POLGARF: variants seen among roughly 807,000 people sequenced by gnomAD.
POLGARF encodes the protein POLG alternative reading frame.
chr15:89,333,316 T>G, the POLGARF span: 1 of 1,557,742 alleles, frequency 6.4e-7, no homozygotes, highest in Non-Finnish European at 8.7e-7. Context: ...TAGGGCAGGC[T>G]CTGCTTCTGG....
chr15:89,330,297 G>GC, the POLGARF span: 1 of 1,594,184 alleles, frequency 6.3e-7, no homozygotes, highest in Non-Finnish European at 8.5e-7. Context: ...TGAGAGGCAG[G>GC]CAGGTTCACC....
At chr15:89,332,040 G>A in the POLGARF span, among the ~76,000 whole-genome samples, 1 of 152,166 alleles carries the variant, frequency 6.6e-6, no homozygotes, top group Non-Finnish European at 1.5e-5. Context: ...TCTTGTCACT[G>A]GTTTCCTAAT....
chr15:89,332,479 G>C, the POLGARF span: 1 of 152,096 alleles, frequency 6.6e-6, no homozygotes, highest in Non-Finnish European at 1.5e-5. Flanking sequence ...AAGAGAGATT[G>C]GATATACTTG....
At chr15:89,333,623 C>CTGG in the POLGARF span, 1 of 1,599,448 alleles carries the variant, frequency 6.3e-7, no homozygotes, top group Non-Finnish European at 8.5e-7. Context: ...GCTGCTGCTG[C>CTGG]TGCTGCCGCC....
At chr15:89,333,420 A>G in the POLGARF span, 2 of 1,607,372 alleles carry the variant, frequency 1.2e-6, no homozygotes, top group South Asian at 2.2e-5. Flanking sequence ...CTGCCCCCAG[A>G]GCCCGTGCTT....
the POLGARF span, chr15:89,333,172 G>T: frequency 6.4e-7 from 1 of 1,562,392 alleles, no homozygotes; most frequent in African/African-American, 1.4e-5. Flanking sequence ...TCGAACACCA[G>T]GGCCCGCTCC....
chr15:89,333,389 G>C, the POLGARF span: 13 of 1,588,120 alleles, frequency 8.2e-6, no homozygotes, highest in Admixed American at 1.7e-5. Context: ...GCAGCTCCAC[G>C]TCGGGCAAGG....
chr15:89,331,861 G>C, the POLGARF span, among the ~76,000 whole-genome samples: 4 of 148,128 alleles, frequency 2.7e-5, no homozygotes, highest in Non-Finnish European at 5.9e-5. Flanking sequence ...GGTCAACTAA[G>C]CAATGCCCCG....
chr15:89,333,319 G>T, the POLGARF span: 1 of 1,558,280 alleles, frequency 6.4e-7, no homozygotes, highest in Non-Finnish European at 8.7e-7. Context: ...GGCAGGCTCT[G>T]CTTCTGGGCC....
chr15:89,333,384 T>C, the POLGARF span: 3 of 1,585,372 alleles, frequency 1.9e-6, no homozygotes, highest in Non-Finnish European at 2.6e-6. Context: ...CAGGCGCAGC[T>C]CCACGTCGGG....
At chr15:89,333,284 C>A in the POLGARF span, 10 of 1,557,806 alleles carry the variant, frequency 6.4e-6, no homozygotes, top group Non-Finnish European at 7.8e-6. Flanking sequence ...GGGCCTGCAA[C>A]AGCAAGTTGG....
chr15:89,333,231 C>T, the POLGARF span: 1 of 1,579,318 alleles, frequency 6.3e-7, no homozygotes, highest in Non-Finnish European at 8.6e-7. Flanking sequence ...GTACCGGGTC[C>T]AGCCCTCCGC....
At chr15:89,332,575 G>C in the POLGARF span, among the ~76,000 whole-genome samples, 1 of 149,724 alleles carries the variant, frequency 6.7e-6, no homozygotes, top group South Asian at 2.2e-4. Flanking sequence ...GCCACCTCAA[G>C]GGGGCGTCTG....
At chr15:89,331,747 C>A in the POLGARF span, among the ~76,000 whole-genome samples, 1 of 152,112 alleles carries the variant, frequency 6.6e-6, no homozygotes, top group Non-Finnish European at 1.5e-5. Flanking sequence ...TCAAAGTGGA[C>A]CGCTATTAGG....
chr15:89,333,376 G>A, the POLGARF span: 4 of 1,580,598 alleles, frequency 2.5e-6, no homozygotes, highest in East Asian at 4.7e-5. Flanking sequence ...AGGGGCGGCA[G>A]GCGCAGCTCC....
At chr15:89,333,628 G>T in the POLGARF span, 1 of 1,594,342 alleles carries the variant, frequency 6.3e-7, no homozygotes, top group Non-Finnish European at 8.5e-7. Flanking sequence ...TGCTGCTGCT[G>T]CCGCCGCCGC....
the POLGARF span, chr15:89,332,987 C>A: frequency 7.1e-7 from 1 of 1,403,348 alleles, no homozygotes; most frequent in African/African-American, 1.4e-5. Flanking sequence ...ATCAGCGCTC[C>A]CTACGTGAGC....
the POLGARF span, chr15:89,333,595 G>GC: frequency 4.4e-6 from 7 of 1,605,718 alleles, no homozygotes; most frequent in Admixed American, 1.7e-5. Context: ...TGAGGCTGCT[G>GC]TTGCTGCTGC....
the POLGARF span, chr15:89,333,382 G>C: frequency 1.3e-6 from 2 of 1,583,880 alleles, no homozygotes; most frequent in African/African-American, 1.3e-5. Context: ...GGCAGGCGCA[G>C]CTCCACGTCG....
Sources: gnomAD v4.1 joint callset for allele counts (sites outside exome capture counted in the v4.1 genomes callset) on GRCh38, gnomAD v4.1.1 for gene constraint, MANE v1.5 for transcripts, NCBI Gene and HGNC (gene_info 2026-07-23, HGNC 2026-07-21) for gene names.